Variants in RAPGEF6 observed in about 807,000 individuals in gnomAD.
RAPGEF6 encodes the protein PDZ domain containing guanine nucleotide exchange factor (GEF) 2.
Under a neutral mutation model 171.4 loss-of-function variants are expected in RAPGEF6, and 56 were observed. The observed-to-expected ratio is 0.33, with a 90% confidence interval of 0.26 to 0.41. RAPGEF6 has a LOEUF of 0.41. Ranked by LOEUF, RAPGEF6 falls within the 10% of genes least tolerant of loss-of-function variation. The pLI, the probability that RAPGEF6 is intolerant of heterozygous loss-of-function variation, is 1.00. For synonymous variants in RAPGEF6, 692 were observed against 650.1 expected (o/e 1.06, Z -0.98); for missense variants, 1,674 against 1,921.4 (o/e 0.87, Z 2.41).
intron 15 of RAPGEF6, among the ~76,000 whole-genome samples, chr5:131,484,669 A>C (rs931239983): frequency 1.3e-5 from 2 of 152,186 alleles, no homozygotes; most frequent in Non-Finnish European, 2.9e-5. Flanking sequence ...TTTTTATTAT[A>C]TCTCTGTTAA....
chr5:131,522,957 C>G (rs1053467009), intron 6 of RAPGEF6, among the ~76,000 whole-genome samples: 1 of 152,162 alleles, frequency 6.6e-6, no homozygotes, highest in African/African-American at 2.4e-5. Flanking sequence ...CATTTCCAAT[C>G]AACTGTTGGA....
chr5:131,482,140 C>T (rs1169606949), intron 15 of RAPGEF6, among the ~76,000 whole-genome samples: 6 of 152,166 alleles, frequency 3.9e-5, no homozygotes, highest in Non-Finnish European at 7.3e-5. Flanking sequence ...TTATGAAAAG[C>T]ACATTTTTCT....
chr5:131,545,180 G>A (rs1043920742), intron 6 of RAPGEF6, among the ~76,000 whole-genome samples: 2 of 151,724 alleles, frequency 1.3e-5, no homozygotes, highest in African/African-American at 2.4e-5. Context: ...TTTATACAAA[G>A]CAATGTACAA....
At chr5:131,502,954 C>T (rs1450687721) in intron 11 of RAPGEF6, among the ~76,000 whole-genome samples, 2 of 152,088 alleles carry the variant, frequency 1.3e-5, no homozygotes, top group Non-Finnish European at 2.9e-5. Flanking sequence ...AGGCGGCCAC[C>T]ACCATGCCTA....
chr5:131,465,650 G>T (rs1025575054), intron 17 of RAPGEF6, among the ~76,000 whole-genome samples: 2 of 152,114 alleles, frequency 1.3e-5, no homozygotes, highest in Middle Eastern at 3.4e-3. Flanking sequence ...GGGTGTGGTG[G>T]CACATTCTTG....
intron 16 of RAPGEF6, among the ~76,000 whole-genome samples, chr5:131,478,377 A>C (rs1043295730): frequency 6.6e-6 from 1 of 152,174 alleles, no homozygotes; most frequent in Admixed American, 6.6e-5. Flanking sequence ...AATCACTAAC[A>C]CAGCCATCAG....
chr5:131,462,124 T>C (rs1402513037), intron 18 of RAPGEF6, 36 bp from the exon 19 acceptor site: 1 of 1,321,120 alleles, frequency 7.6e-7, no homozygotes, highest in Non-Finnish European at 9.9e-7. Flanking sequence ...AATGTATTCA[T>C]AAATATGATT....
intron 6 of RAPGEF6, 105 bp downstream of exon 6, chr5:131,547,940 TCA>T: frequency 1.6e-6 from 2 of 1,243,910 alleles, no homozygotes; most frequent in East Asian, 2.4e-5. Context: ...CCCCAAATTT[TCA>T]CATACAGAGC....
At position 131,433,531 on chromosome 5, in the gene RAPGEF6, T is replaced by C. The variant is rs1195951263; in HGVS notation, c.3873A>G (p.Glu1291=). The change falls in exon 25 of 28, where the codon GAA becomes GAG. Residue 1291 remains glutamate, a synonymous_variant. Transcript: ENST00000509018. ...CTGCCAGGGCCTGAGAGGAACACCG[T>C]TCATCCTGTAGAGCTGCAGACATGG... ...VDSMSAALQD[E]RCSSQALAVP... is the part of the protein sequence containing the mutation. 14 of 1,613,722 alleles carry C rather than the reference T, an allele frequency of 8.7e-6. No homozygotes were observed. In the African/African-American group the frequency reaches 9.3e-5, roughly 11 times the overall value.
intron 4 of RAPGEF6, among the ~76,000 whole-genome samples, chr5:131,579,027 G>A (rs1762769131): frequency 3.3e-5 from 5 of 152,182 alleles, no homozygotes; most frequent in Admixed American, 3.3e-4. Context: ...TGTGTCCAGA[G>A]TTTGTTCCTT....
intron 4 of RAPGEF6, among the ~76,000 whole-genome samples, chr5:131,570,627 G>A (rs1293687025): frequency 1.3e-5 from 2 of 152,072 alleles, no homozygotes; most frequent in Non-Finnish European, 2.9e-5. Context: ...TGCTAGAATT[G>A]ATATGTGCTA....
intron 6 of RAPGEF6, among the ~76,000 whole-genome samples, chr5:131,545,062 A>C (rs1361846526): frequency 2.6e-5 from 4 of 152,210 alleles, no homozygotes; most frequent in Admixed American, 2.6e-4. Context: ...TATCAAAAAA[A>C]TTGTTGCAAA....
At chr5:131,541,137 T>C (rs1214626501) in intron 6 of RAPGEF6, among the ~76,000 whole-genome samples, 2 of 152,234 alleles carry the variant, frequency 1.3e-5, no homozygotes, top group African/African-American at 2.4e-5. Context: ...CAGAATAATA[T>C]GGGCACACTT....
At chr5:131,548,277 A>C in intron 5 of RAPGEF6, 87 bp from the exon 6 acceptor site, 1 of 1,342,550 alleles carries the variant, frequency 7.4e-7, no homozygotes, top group Non-Finnish European at 1.0e-6. Context: ...CTCATAAGGA[A>C]GCTTCATTTA....
chr5:131,470,002 T>A (rs1754634452), intron 17 of RAPGEF6, among the ~76,000 whole-genome samples: 1 of 152,214 alleles, frequency 6.6e-6, no homozygotes, highest in African/African-American at 2.4e-5. Context: ...ATAATATACA[T>A]ATGTGATGTA....
intron 9 of RAPGEF6, among the ~76,000 whole-genome samples, 192 bp from the exon 10 acceptor site, chr5:131,505,714 C>G (rs564696200): frequency 2.6e-5 from 4 of 152,250 alleles, no homozygotes; most frequent in African/African-American, 9.6e-5. Flanking sequence ...TTTACTCTTT[C>G]TTCTTTTAGT....
chr5:131,435,667 A>G, intron 24 of RAPGEF6: 1 of 327,462 alleles, frequency 3.1e-6, no homozygotes, highest in Middle Eastern at 1.0e-3. Context: ...CCCCCAATCA[A>G]AGATACGTAA....
intron 12 of RAPGEF6, among the ~76,000 whole-genome samples, chr5:131,496,298 T>C (rs1310618163): frequency 2.0e-5 from 3 of 152,254 alleles, no homozygotes; most frequent in Non-Finnish European, 4.4e-5. Flanking sequence ...TTAACGAATG[T>C]AAGCTGATTT....
intron 6 of RAPGEF6, among the ~76,000 whole-genome samples, chr5:131,527,872 G>A (rs533682773): frequency 1.4e-3 from 214 of 151,000 alleles, no homozygotes; most frequent in Non-Finnish European, 2.2e-3. Flanking sequence ...AAAATTAGCC[G>A]GGCATGGTGG....
Sources: gnomAD v4.1 joint callset for allele counts (sites outside exome capture counted in the v4.1 genomes callset) on GRCh38, gnomAD v4.1.1 for gene constraint, MANE v1.5 for transcripts, NCBI Gene and HGNC (gene_info 2026-07-23, HGNC 2026-07-21) for gene names.